The following PLPP1 variants were observed in gnomAD, a reference collection of about 807,000 sequenced individuals.
The protein encoded by PLPP1 is lipid phosphate phosphohydrolase 1a.
Under a neutral mutation model 31.2 loss-of-function variants are expected in PLPP1, and 24 were observed. The observed-to-expected ratio is 0.77, with a 90% confidence interval of 0.56 to 1.08. PLPP1 has a LOEUF of 1.08. Among genes scored for constraint, PLPP1 ranks in the 50% least tolerant of loss-of-function variants. The pLI is 0.00. For synonymous variants in PLPP1, 146 were observed against 126.3 expected, an observed-to-expected ratio of 1.16 and a Z score of -1.05; for missense variants, 319 against 342.7, an observed-to-expected ratio of 0.93 and a Z score of 0.55.
chr5:55,457,669 T>G (rs1260156118), intron 3 of PLPP1, among the ~76,000 whole-genome samples: 1 of 152,098 alleles, frequency 6.6e-6, no homozygotes, highest in Non-Finnish European at 1.5e-5. Context: ...GGTGGGCAGA[T>G]CACAAGGTCA....
intron 1 of PLPP1, among the ~76,000 whole-genome samples, chr5:55,521,646 A>G (rs1388256643): frequency 2.0e-5 from 3 of 152,216 alleles, no homozygotes; most frequent in African/African-American, 7.2e-5. Flanking sequence ...CAGTGCTAAC[A>G]GGCACTCAAT....
intron 1 of PLPP1, among the ~76,000 whole-genome samples, chr5:55,487,920 G>A (rs528621485): frequency 6.6e-6 from 1 of 152,180 alleles, no homozygotes; most frequent in East Asian, 1.9e-4. Context: ...CCTGAGGTCA[G>A]GGTTCCAGAA....
chr5:55,438,780 A>C (rs1204402202), intron 4 of PLPP1, among the ~76,000 whole-genome samples: 1 of 152,064 alleles, frequency 6.6e-6, no homozygotes. Flanking sequence ...GGGCGCCTGT[A>C]GTCCCAGCTA....
rs369207600 is a variant in PLPP1, at chr5:55,442,352, T to C, written c.492-444A>G. On this transcript the variant is annotated intron_variant, in intron 3 of 5. Transcript: ENST00000307259. ...GAAGTTGATTGCTTTTTTCCATCCA[T>C]ATTAATATTTTAGTATTTTGGCCCA... Among the ~76,000 whole-genome samples the C allele has an allele frequency of 2.6e-5, 4 of 152,216 alleles. No homozygotes were observed. The East Asian group carries it at 5.8e-4, about 22-fold the overall frequency.
chr5:55,494,745 T>G (rs939997238), intron 1 of PLPP1, among the ~76,000 whole-genome samples: 11 of 152,096 alleles, frequency 7.2e-5, no homozygotes, highest in African/African-American at 1.4e-4. Flanking sequence ...ACTTTAACTT[T>G]TTATGTGTGT....
At chr5:55,443,192 A>AATATATATATATAT (rs1159178740) in intron 3 of PLPP1, among the ~76,000 whole-genome samples, 613 of 25,248 alleles carry the variant, frequency 0.024, 20 homozygotes, top group Non-Finnish European at 0.038. Context: ...AAAAAAAAAA[A>AATATATATATATAT]ATATATATAT....
chr5:55,470,394 G>A (rs1205013457), intron 2 of PLPP1, among the ~76,000 whole-genome samples: 4 of 152,218 alleles, frequency 2.6e-5, no homozygotes, highest in Non-Finnish European at 4.4e-5. Flanking sequence ...TATGTTTTGT[G>A]AGTCTTCCCA....
At chr5:55,511,055 T>C (rs1753393992) in intron 1 of PLPP1, among the ~76,000 whole-genome samples, 1 of 152,242 alleles carries the variant, frequency 6.6e-6, no homozygotes, top group South Asian at 2.1e-4. Flanking sequence ...ACACTTAGTT[T>C]ATTATTGTAA....
chr5:55,460,672 C>A (rs1752134261), intron 3 of PLPP1, among the ~76,000 whole-genome samples: 1 of 152,092 alleles, frequency 6.6e-6, no homozygotes. Context: ...AACTTGAAAT[C>A]ATATTTAAAA....
At position 55,432,815 on chromosome 5, in the gene PLPP1, A is replaced by G. The variant is rs1468539206; in HGVS notation, c.550-6776T>C. 4.4e-5 allele frequency among the ~76,000 whole-genome samples: 6 copies of G among 137,700 alleles called. No homozygotes were observed. In the Admixed American group the frequency reaches 4.4e-4, roughly 10 times the overall value. The allele number at this position is 137,700 out of a possible 152,430, so 90.3% of individuals were successfully genotyped here. A position where few individuals can be genotyped will look rare whatever the true frequency, so the allele number is the denominator to read the frequency against. On this transcript the variant is annotated intron_variant, in intron 4 of 5. Transcript: ENST00000307259. ...CTTCATGATTTAAAAAAAAAAAAAAACCTGTCCACAGGAACTACGCATGAA... is the reference window on the plus strand; with the variant it reads ...CTTCATGATTTAAAAAAAAAAAAAAGCCTGTCCACAGGAACTACGCATGAA...
chr5:55,479,440 T>C (rs1561239538), intron 1 of PLPP1, among the ~76,000 whole-genome samples: 1 of 152,246 alleles, frequency 6.6e-6, no homozygotes. Flanking sequence ...CACAGGTTGT[T>C]CACTGACCCA....
At chr5:55,530,534 G>T in intron 1 of PLPP1, 1 of 1,219,678 alleles carries the variant, frequency 8.2e-7, no homozygotes, top group Non-Finnish European at 1.2e-6. Flanking sequence ...AGATCTGAAA[G>T]TTTGGAATGA....
At chr5:55,494,729 C>G (rs868087037) in intron 1 of PLPP1, among the ~76,000 whole-genome samples, 1 of 152,106 alleles carries the variant, frequency 6.6e-6, no homozygotes, top group African/African-American at 2.4e-5. Flanking sequence ...ATGTCTATCA[C>G]GCTGTACTTT....
At chr5:55,521,913 C>A (rs932686123) in intron 1 of PLPP1, among the ~76,000 whole-genome samples, 1 of 152,206 alleles carries the variant, frequency 6.6e-6, no homozygotes, top group South Asian at 2.1e-4. Flanking sequence ...TTCTTCTCTA[C>A]TCATTTACCT....
At chr5:55,434,817 T>G (rs947127325) in intron 4 of PLPP1, among the ~76,000 whole-genome samples, 2 of 151,978 alleles carry the variant, frequency 1.3e-5, no homozygotes, top group Non-Finnish European at 2.9e-5. Context: ...AAAGAAAACA[T>G]AGGGGAAACG....
At chr5:55,457,888 C>CA (rs33982765) in intron 3 of PLPP1, among the ~76,000 whole-genome samples, 110,851 of 143,194 alleles carry the variant, frequency 0.77, 43,543 homozygotes, top group Non-Finnish European at 0.86. Context: ...GACTCTGTCT[C>CA]AAAAAAAAAA....
chr5:55,476,408 AAAG>A (rs1752552412), intron 1 of PLPP1, among the ~76,000 whole-genome samples: 1 of 152,156 alleles, frequency 6.6e-6, no homozygotes, highest in Non-Finnish European at 1.5e-5. Context: ...CGTTTTCTAT[AAAG>A]ATCATGTCTT....
At chr5:55,528,434 C>T (rs1478141443) in intron 1 of PLPP1, among the ~76,000 whole-genome samples, 5 of 152,214 alleles carry the variant, frequency 3.3e-5, no homozygotes, top group Admixed American at 6.5e-5. Flanking sequence ...AGACTCTGAG[C>T]CCTTCAGGGC....
At chr5:55,503,625 C>T (rs1446227849) in intron 1 of PLPP1, among the ~76,000 whole-genome samples, 5 of 150,816 alleles carry the variant, frequency 3.3e-5, no homozygotes, top group Non-Finnish European at 7.4e-5. Flanking sequence ...AAAAAAAATA[C>T]AAAAATTAGT....
Sources: allele counts gnomAD v4.1 joint callset (sites outside exome capture counted in the v4.1 genomes callset), GRCh38; gene constraint gnomAD v4.1.1; transcripts MANE v1.5; gene names NCBI Gene and HGNC (gene_info 2026-07-23, HGNC 2026-07-21).